The following UNC5D variants were observed in gnomAD, a reference collection of about 807,000 sequenced individuals.
The protein encoded by UNC5D is unc-5 netrin receptor D.
UNC5D carries 39 observed loss-of-function variants against 105.4 expected under a neutral mutation model. The ratio of observed to expected loss-of-function variants is 0.37; its 90% confidence interval spans 0.29 to 0.48. The LOEUF is 0.48. UNC5D is among the 20% of genes least tolerant of loss of function. The probability of loss-of-function intolerance (pLI) is 0.98; values close to 1 mark genes in which losing one functional copy is unlikely to be tolerated. For synonymous variants in UNC5D, 452 were observed against 450.4 expected (o/e 1.00, Z -0.04); for missense variants, 991 against 1,202.4 (o/e 0.82, Z 2.60).
intron 10 of UNC5D, among the ~76,000 whole-genome samples, chr8:35,730,447 A>AT (rs1352562600): frequency 1.3e-5 from 2 of 152,150 alleles, no homozygotes; most frequent in Middle Eastern, 3.2e-3. Flanking sequence ...GCAATAATCT[A>AT]TAAGGCTCCT....
intron 4 of UNC5D, among the ~76,000 whole-genome samples, chr8:35,619,071 G>T (rs532729401): frequency 3.6e-4 from 55 of 152,272 alleles, no homozygotes; most frequent in African/African-American, 1.2e-3. Flanking sequence ...GGAGGATACA[G>T]TAATAAATGA....
intron 1 of UNC5D, among the ~76,000 whole-genome samples, chr8:35,322,254 T>G (rs895736989): frequency 7.9e-5 from 12 of 152,180 alleles, no homozygotes; most frequent in African/African-American, 2.7e-4. Context: ...CCTGCATCTC[T>G]CAGGCATTCT....
At chr8:35,327,238 A>G (rs1402323493) in intron 1 of UNC5D, among the ~76,000 whole-genome samples, 1 of 152,184 alleles carries the variant, frequency 6.6e-6, no homozygotes, top group Non-Finnish European at 1.5e-5. Context: ...ATGAGCATAC[A>G]GCTCACTCGC....
intron 4 of UNC5D, among the ~76,000 whole-genome samples, chr8:35,604,688 A>G (rs935355922): frequency 2.6e-5 from 4 of 151,978 alleles, no homozygotes; most frequent in African/African-American, 7.3e-5. Flanking sequence ...TACCAATTAG[A>G]CGTAGATTTG....
intron 3 of UNC5D, among the ~76,000 whole-genome samples, chr8:35,583,999 C>T (rs1818622469): frequency 6.6e-6 from 1 of 152,146 alleles, no homozygotes; most frequent in Admixed American, 6.5e-5. Context: ...TCTGGTGCCA[C>T]ATGTGCCCAC....
At chr8:35,753,906 G>A (rs568884310) in intron 13 of UNC5D, among the ~76,000 whole-genome samples, 2 of 152,320 alleles carry the variant, frequency 1.3e-5, no homozygotes, top group Admixed American at 6.5e-5. Flanking sequence ...TAGTTTCTGG[G>A]TTTTGTTTCT....
At chr8:35,384,572 G>A (rs1291401822) in intron 1 of UNC5D, among the ~76,000 whole-genome samples, 1 of 152,056 alleles carries the variant, frequency 6.6e-6, no homozygotes, top group Non-Finnish European at 1.5e-5. Context: ...AACCCTTATG[G>A]CCTCCTAATG....
chr8:35,271,338 T>TGTGTATTTATATGTATACACACGTGCAC (rs1563267165), intron 1 of UNC5D, among the ~76,000 whole-genome samples: 1 of 80,302 alleles, frequency 1.2e-5, no homozygotes, highest in East Asian at 5.5e-4. Context: ...CACACGTGCA[T>TGTGTATTTATATGTATACACACGTGCAC]GTGTGTATGT....
At chr8:35,661,181 A>G (rs555775450) in intron 4 of UNC5D, among the ~76,000 whole-genome samples, 22 of 152,176 alleles carry the variant, frequency 1.4e-4, no homozygotes, top group Non-Finnish European at 2.1e-4. Context: ...AGTGCTATAC[A>G]TATAGAGTTG....
At chr8:35,595,427 C>A in intron 3 of UNC5D, 127 bp from the exon 4 acceptor site, 1 of 729,832 alleles carries the variant, frequency 1.4e-6, no homozygotes, top group Admixed American at 2.3e-5. Flanking sequence ...ATTCCTGGAA[C>A]AAGTGACTTA....
intron 7 of UNC5D, among the ~76,000 whole-genome samples, chr8:35,701,166 A>G (rs1051287558): frequency 2.0e-4 from 31 of 152,210 alleles, no homozygotes; most frequent in Non-Finnish European, 1.8e-4. Context: ...CTGGGAAGTG[A>G]GTTGCTGCCC....
At chr8:35,662,854 G>A (rs1824193754) in intron 4 of UNC5D, among the ~76,000 whole-genome samples, 2 of 152,164 alleles carry the variant, frequency 1.3e-5, no homozygotes, top group South Asian at 4.1e-4. Context: ...AGAAGCAGGC[G>A]AGGGAGCATT....
chr8:35,244,181 G>A (rs568944021), intron 1 of UNC5D, among the ~76,000 whole-genome samples: 40 of 152,284 alleles, frequency 2.6e-4, no homozygotes, highest in African/African-American at 9.4e-4. Context: ...ATGAAATTAA[G>A]GTTGACTTTA....
chr8:35,285,298 A>G (rs1165182088), intron 1 of UNC5D, among the ~76,000 whole-genome samples: 1 of 152,152 alleles, frequency 6.6e-6, no homozygotes, highest in Admixed American at 6.5e-5. Context: ...TTTCGGGCAA[A>G]CACCTTTCCC....
chr8:35,493,301 A>AC lies in UNC5D; in HGVS notation c.104-55991_104-55990insC, dbSNP rs1363708215. ...GTGACCAAAAAAAAAAAAAAAAAAAAAAACACACCAAAAAACAAAAACAAA... is the reference window on the plus strand; with the variant it reads ...GTGACCAAAAAAAAAAAAAAAAAAAACAAACACACCAAAAAACAAAAACAAA... On this transcript the variant is annotated intron_variant, in intron 1 of 16. Transcript: ENST00000404895. Among the ~76,000 whole-genome samples, 414 of 151,076 alleles carry AC rather than the reference A, an allele frequency of 2.7e-3. 2 individuals are homozygous for AC. Among genetic ancestry groups the AC allele is most frequent in the African/African-American group, 9.2e-3 (378 of 41,174 alleles).
chr8:35,549,700 C>T (rs941884494), intron 2 of UNC5D, among the ~76,000 whole-genome samples, 190 bp downstream of exon 2: 14 of 152,124 alleles, frequency 9.2e-5, no homozygotes, highest in South Asian at 4.1e-4. Flanking sequence ...TAGTCCCTTC[C>T]GATATGATGC....
intron 1 of UNC5D, among the ~76,000 whole-genome samples, chr8:35,418,581 T>G (rs1805678212): frequency 6.6e-6 from 1 of 152,214 alleles, no homozygotes; most frequent in Non-Finnish European, 1.5e-5. Flanking sequence ...TCAAACTGTG[T>G]GTCAGAATGG....
At chr8:35,599,133 ACT>A (rs1193215020) in intron 4 of UNC5D, among the ~76,000 whole-genome samples, 2 of 126,128 alleles carry the variant, frequency 1.6e-5, no homozygotes, top group African/African-American at 3.3e-5. Context: ...AGTGAGCAAG[ACT>A]CTGTCTCAAA....
chr8:35,684,154 T>C lies in UNC5D; in HGVS notation c.751+427T>C, dbSNP rs952409874. 1.8e-4 allele frequency among the ~76,000 whole-genome samples: 27 copies of C among 152,180 alleles called. 1 individual carries two copies. The highest frequency in any genetic ancestry group is 1.3e-4 in the Admixed American group (2 of 15,284). Reference sequence around the variant, plus strand: ...TCCAAAAACAAACAATACTATTTGCTGAATATCTCAGGTATTGTATAAAAG... The same window carrying C: ...TCCAAAAACAAACAATACTATTTGCCGAATATCTCAGGTATTGTATAAAAG... On this transcript the variant is annotated intron_variant, in intron 5 of 16. Transcript: ENST00000404895.
Sources: allele counts gnomAD v4.1 joint callset (sites outside exome capture counted in the v4.1 genomes callset), GRCh38; gene constraint gnomAD v4.1.1; transcripts MANE v1.5; gene names NCBI Gene and HGNC (gene_info 2026-07-23, HGNC 2026-07-21).